ORC2: variants seen among roughly 807,000 people sequenced by gnomAD.
ORC2 encodes the protein origin recognition complex subunit 2.
Under a neutral mutation model 77.7 loss-of-function variants are expected in ORC2, and 37 were observed. That is an observed-to-expected ratio of 0.48 (90% confidence interval 0.37 to 0.63). The LOEUF (loss-of-function observed/expected upper bound fraction) is 0.63. Among genes scored for constraint, ORC2 ranks in the 20% least tolerant of loss-of-function variants. The pLI, the probability that ORC2 is intolerant of heterozygous loss-of-function variation, is 0.00. For missense variants in ORC2, 557 were observed against 661.9 expected, an observed-to-expected ratio of 0.84 and a Z score of 1.74; for synonymous variants, 201 against 229.5, an observed-to-expected ratio of 0.88 and a Z score of 1.12.
At position 200,910,622 on chromosome 2, in the gene ORC2, C is replaced by T. The variant is rs1261534255; in HGVS notation, c.*679G>A. ...GACAATAACTGTTCCAAATATATGA[C>T]GTATTGTTCCTGTGCTTTCTAGGCT... On this transcript the variant is annotated 3_prime_UTR_variant, in exon 18 of 18. Transcript: ENST00000234296. 6 of 152,124 alleles carry T rather than the reference C, an allele frequency of 3.9e-5. No individual in the cohort carries two copies. Among genetic ancestry groups the T allele is most frequent in the Admixed American group, 3.9e-4 (6 of 15,260 alleles). 9.4% of individuals were successfully genotyped at this position (152,124 alleles called of 1,614,324 possible). A position where few individuals can be genotyped will look rare whatever the true frequency, so the allele number is the denominator to read the frequency against.
In ORC2 at chr2:200,926,810, G is replaced by A. The variant is rs758680211; in HGVS notation, c.1008C>T (p.His336=). Residue 336 remains histidine (H), a synonymous_variant, in exon 12 of 18, where the codon CAC becomes CAT. Coordinates refer to ENST00000234296, the MANE Select transcript of ORC2 (RefSeq NM_006190.5). ...CAGGAAAGAAGCCATTGATGACAAC[G>A]TGAATGGAATCTTGCAGCATAGTGG... ...FRTTMLQDSI[H]VVINGFFPGI... 2.2e-5 allele frequency: 35 copies of A among 1,613,754 alleles called. No homozygotes were observed. The highest frequency in any genetic ancestry group is 4.0e-5 in the African/African-American group (3 of 75,024).
chr2:200,920,609 T>C (rs1477051590), intron 14 of ORC2, among the ~76,000 whole-genome samples: 1 of 152,210 alleles, frequency 6.6e-6, no homozygotes, highest in Admixed American at 6.5e-5. Context: ...TAAATTAAAA[T>C]CTTAGCACTA....
intron 5 of ORC2, among the ~76,000 whole-genome samples, chr2:200,944,822 G>A (rs2041222880): frequency 6.6e-6 from 1 of 152,210 alleles, no homozygotes; most frequent in South Asian, 2.1e-4. Context: ...TTACAAGCAT[G>A]AGTCACCACG....
chr2:200,962,344 G>T (rs1311489354), intron 1 of ORC2, among the ~76,000 whole-genome samples: 1 of 152,220 alleles, frequency 6.6e-6, no homozygotes, highest in Non-Finnish European at 1.5e-5. Context: ...GCACCAAGTG[G>T]TAGCAACACA....
intron 15 of ORC2, among the ~76,000 whole-genome samples, chr2:200,914,608 G>T (rs1166818266): frequency 6.6e-6 from 1 of 152,150 alleles, no homozygotes; most frequent in South Asian, 2.1e-4. Context: ...GTGAGACTCT[G>T]TCTCTATAAA....
chr2:200,935,902 G>T lies in ORC2; in HGVS notation c.515-10C>A. 1 of 1,607,054 alleles carries T rather than the reference G, an allele frequency of 6.2e-7. No individual in the cohort carries two copies. The highest frequency in any genetic ancestry group is 8.5e-7 in the Non-Finnish European group (1 of 1,177,162). ...GAATGAGACCTTGGAACTGTGGGGG[G>T]AAAAATAGCAATTTGGACAATTTCA... On this transcript the variant is annotated splice_polypyrimidine_tract_variant and intron_variant, in intron 8 of 17. Coordinates refer to ENST00000234296, the MANE Select transcript of ORC2 (RefSeq NM_006190.5).
intron 5 of ORC2, among the ~76,000 whole-genome samples, chr2:200,944,300 A>G (rs2125008031): frequency 6.6e-6 from 1 of 152,052 alleles, no homozygotes; most frequent in Non-Finnish European, 1.5e-5. Flanking sequence ...CAGCCTCCTG[A>G]GTAGCTGGGA....
Position 200,909,941 on chromosome 2 carries a change from T to C in ORC2, c.*1360A>G, listed in dbSNP as rs1293894718. 1 of 152,004 alleles carries C rather than the reference T, an allele frequency of 6.6e-6. No homozygotes were observed. The highest frequency in any genetic ancestry group is 2.4e-5 in the African/African-American group (1 of 41,374). The allele number at this position is 152,004 out of a possible 1,614,324, so 9.4% of individuals were successfully genotyped here. On this transcript the variant is annotated 3_prime_UTR_variant, in exon 18 of 18. Transcript: ENST00000234296. The stretch of plus-strand genomic sequence containing the variant: ...CATGCCCGGATGATTTTTTAAATTT[T>C]TTGTAGAGACAAGGTCTCACTATGT...
chr2:200,921,016 A>G lies in ORC2; in HGVS notation c.1271T>C (p.Ile424Thr), dbSNP rs2040747860. Reference sequence around the variant, plus strand: ...ACTGAGAGGAGCATTGAGGTGGTCAATGGATGCTATAAGGTAAATGTTATG... The same window carrying G: ...ACTGAGAGGAGCATTGAGGTGGTCAGTGGATGCTATAAGGTAAATGTTATG... ...SLHNIYLIAS[I>T]DHLNAPLMWD... is the part of the protein sequence containing the mutation. Residue 424 changes from isoleucine (I) to threonine (T), a missense_variant, in exon 14 of 18, where the codon ATT (isoleucine) becomes ACT (threonine). By Grantham distance (89) the Ile-to-Thr change is moderately conservative (BLOSUM62 -1). Transcript: ENST00000234296. 2 of 1,596,214 alleles carry G rather than the reference A, an allele frequency of 1.3e-6. No homozygotes were observed. Among genetic ancestry groups the G allele is most frequent in the Non-Finnish European group, 8.5e-7 (1 of 1,170,662 alleles).
At chr2:200,912,794 T>G (rs2040574207) in intron 17 of ORC2, among the ~76,000 whole-genome samples, 1 of 152,164 alleles carries the variant, frequency 6.6e-6, no homozygotes, top group South Asian at 2.1e-4. Flanking sequence ...ATCCACCTAT[T>G]TAAATAAACT....
Position 200,957,389 on chromosome 2 carries a change from C to A in ORC2, c.238+12G>T. On this transcript the variant is annotated intron_variant, in intron 4 of 17. Transcript: ENST00000234296. ...TAGCAGAAACGAGTGTATATTTCAC[C>A]CCCTCAAATACCTTGAACATCTCTT... 3 of 1,544,654 alleles carry A rather than the reference C, an allele frequency of 1.9e-6. No individual in the cohort carries two copies. The highest frequency in any genetic ancestry group is 2.6e-6 in the Non-Finnish European group (3 of 1,146,534).
Position 200,954,912 on chromosome 2 carries a change from A to G in ORC2, c.238+2489T>C, listed in dbSNP as rs397873295. ...TGAATGAATGAATGAATGAATAAATAAATAAATAAATAAATAAATAAATAA... is the reference window on the plus strand; with the variant it reads ...TGAATGAATGAATGAATGAATAAATGAATAAATAAATAAATAAATAAATAA... On this transcript the variant is annotated intron_variant, in intron 4 of 17. Transcript: ENST00000234296. Among the ~76,000 whole-genome samples, 1,251 of 151,510 alleles carry G rather than the reference A, an allele frequency of 8.3e-3. 4 individuals carry two copies. Among genetic ancestry groups the G allele is most frequent in the African/African-American group, 0.011 (469 of 41,344 alleles).
intron 16 of ORC2, 199 bp downstream of exon 16, chr2:200,913,732 A>G: frequency 2.2e-6 from 3 of 1,367,812 alleles, no homozygotes; most frequent in Non-Finnish European, 2.8e-6. Context: ...TTGTCTTTCA[A>G]TTTGTGTTGG....
At chr2:200,956,183 A>G (rs995878639) in intron 4 of ORC2, among the ~76,000 whole-genome samples, 1 of 150,664 alleles carries the variant, frequency 6.6e-6, no homozygotes, top group African/African-American at 2.4e-5. Context: ...CCTCTGCGTT[A>G]GCCTCCCAAG....
chr2:200,916,283 G>C (rs1349301603), intron 15 of ORC2, among the ~76,000 whole-genome samples: 1 of 152,088 alleles, frequency 6.6e-6, no homozygotes, highest in Non-Finnish European at 1.5e-5. Flanking sequence ...AAGAGTTCAA[G>C]ACCAGCCTGC....
intron 11 of ORC2, among the ~76,000 whole-genome samples, chr2:200,927,664 A>G (rs1271085865): frequency 6.7e-6 from 1 of 149,498 alleles, no homozygotes. Flanking sequence ...CACTCCAACC[A>G]GGGCAACAGA....
chr2:200,914,170 T>TC (rs2040600406), intron 15 of ORC2, among the ~76,000 whole-genome samples, 178 bp from the exon 16 acceptor site: 1 of 149,842 alleles, frequency 6.7e-6, no homozygotes, highest in Non-Finnish European at 1.5e-5. Context: ...AATTTCTTTT[T>TC]TTTTTTTTTT....
At chr2:200,934,856 A>G (rs1359084384) in intron 9 of ORC2, among the ~76,000 whole-genome samples, 1 of 152,230 alleles carries the variant, frequency 6.6e-6, no homozygotes, top group Non-Finnish European at 1.5e-5. Context: ...CTATTTAAGC[A>G]GTAGGCTCCT....
intron 4 of ORC2, among the ~76,000 whole-genome samples, chr2:200,956,394 T>C (rs566617330): frequency 1.3e-5 from 2 of 152,250 alleles, no homozygotes; most frequent in African/African-American, 4.8e-5. Flanking sequence ...CATGCCAGGC[T>C]AGTCTCAAAC....
Sources: gnomAD v4.1 joint callset for allele counts (sites outside exome capture counted in the v4.1 genomes callset) on GRCh38, gnomAD v4.1.1 for gene constraint, MANE v1.5 for transcripts, NCBI Gene and HGNC (gene_info 2026-07-23, HGNC 2026-07-21) for gene names.